Variants in PRLR observed in about 807,000 individuals in gnomAD.
PRLR encodes hPRL receptor.
Under a neutral mutation model 40.2 loss-of-function variants are expected in PRLR, and 13 were observed. That is an observed-to-expected ratio of 0.32 (90% CI 0.21 to 0.51). The LOEUF (loss-of-function observed/expected upper bound fraction) is 0.51, where lower values mean the gene tolerates loss of function less well. PRLR is among the 20% of genes least tolerant of loss of function. The pLI, the probability that PRLR is intolerant of heterozygous loss-of-function variation, is 0.97. For synonymous variants in PRLR, 269 were observed against 278.7 expected, an observed-to-expected ratio of 0.97 and a Z score of 0.35; for missense variants, 656 against 747.3, an observed-to-expected ratio of 0.88 and a Z score of 1.42.
At chr5:35,207,751 T>C (rs1384714371) in intron 1 of PRLR, among the ~76,000 whole-genome samples, 1 of 152,168 alleles carries the variant, frequency 6.6e-6, no homozygotes, top group African/African-American at 2.4e-5. Flanking sequence ...TACACATATA[T>C]ACATGTATTT....
intron 1 of PRLR, among the ~76,000 whole-genome samples, chr5:35,196,902 C>T (rs78978397): frequency 0.031 from 4,758 of 152,254 alleles, 263 homozygotes; most frequent in African/African-American, 0.11. Context: ...CTTTTCTGGA[C>T]TGCACACTGC....
chr5:35,100,895 A>T (rs1385119148), intron 2 of PRLR, among the ~76,000 whole-genome samples: 1 of 152,230 alleles, frequency 6.6e-6, no homozygotes, highest in Non-Finnish European at 1.5e-5. Flanking sequence ...GACCACCAGC[A>T]AACTGTCACA....
intron 1 of PRLR, among the ~76,000 whole-genome samples, chr5:35,127,084 C>T (rs1386801520): frequency 2.0e-5 from 3 of 152,214 alleles, no homozygotes; most frequent in African/African-American, 4.8e-5. Flanking sequence ...GAACTCCTTG[C>T]TCCCAGTCCC....
rs1161995455 is a variant in PRLR at position 35,056,907 on chromosome 5, TGGAAA to T, written c.*8177_*8181del. 2.0e-4 allele frequency: 31 copies of T among 152,236 alleles called. No homozygotes were observed. Among genetic ancestry groups the T allele is most frequent in the Non-Finnish European group, 3.8e-4 (26 of 67,996 alleles). 9.4% of individuals were successfully genotyped at this position (152,236 alleles called of 1,614,324 possible). ...AATTAAGAGGAGGCAGAGAAGAACTTGGAAAGCAAAACCACACACCATTTCACAAT... is the reference window on the plus strand; with the variant it reads ...AATTAAGAGGAGGCAGAGAAGAACTTGCAAAACCACACACCATTTCACAAT... On this transcript the variant is annotated 3_prime_UTR_variant, in exon 10 of 10. Transcript: ENST00000618457.
chr5:35,076,843 T>A (rs1434479971), intron 5 of PRLR, among the ~76,000 whole-genome samples: 3 of 152,184 alleles, frequency 2.0e-5, no homozygotes, highest in African/African-American at 7.2e-5. Flanking sequence ...TAACAGTGGA[T>A]CTCTTGGCAG....
chr5:35,092,531 G>C (rs1771277929), intron 2 of PRLR, among the ~76,000 whole-genome samples: 1 of 152,026 alleles, frequency 6.6e-6, no homozygotes, highest in South Asian at 2.1e-4. Flanking sequence ...ATGGCTGGCA[G>C]ACACTAAGCT....
At chr5:35,160,761 C>T (rs1774652075) in intron 1 of PRLR, among the ~76,000 whole-genome samples, 3 of 152,178 alleles carry the variant, frequency 2.0e-5, no homozygotes, top group Admixed American at 2.0e-4. Context: ...AGGGCCCCAC[C>T]TATAAGTGAA....
intron 2 of PRLR, among the ~76,000 whole-genome samples, chr5:35,091,920 G>T (rs971990561): frequency 2.4e-4 from 37 of 152,260 alleles, no homozygotes; most frequent in African/African-American, 8.9e-4. Flanking sequence ...TCTCTTTTGG[G>T]CGTTGCACTA....
At chr5:35,146,725 G>A (rs1774190799) in intron 1 of PRLR, among the ~76,000 whole-genome samples, 1 of 152,224 alleles carries the variant, frequency 6.6e-6, no homozygotes, top group African/African-American at 2.4e-5. Flanking sequence ...GACAACCTCA[G>A]TACTTTTTGG....
intron 1 of PRLR, among the ~76,000 whole-genome samples, chr5:35,220,700 A>C (rs1488629590): frequency 2.0e-5 from 3 of 152,168 alleles, no homozygotes; most frequent in Non-Finnish European, 2.9e-5. Context: ...TGAGTGAATA[A>C]AGAAATTCTG....
At chr5:35,106,901 AC>A (rs1259812368) in intron 2 of PRLR, among the ~76,000 whole-genome samples, 7 of 152,206 alleles carry the variant, frequency 4.6e-5, no homozygotes, top group Non-Finnish European at 1.0e-4. Flanking sequence ...AGAACTCTCC[AC>A]CCCAAATCAA....
At chr5:35,172,718 C>T (rs2111949803) in intron 1 of PRLR, among the ~76,000 whole-genome samples, 1 of 152,328 alleles carries the variant, frequency 6.6e-6, no homozygotes, top group Middle Eastern at 3.4e-3. Context: ...GATGCGGCAG[C>T]ATGAGCTCCC....
intron 1 of PRLR, among the ~76,000 whole-genome samples, chr5:35,215,860 C>T (rs1776273218): frequency 7.7e-6 from 1 of 130,580 alleles, no homozygotes; most frequent in South Asian, 2.4e-4. Context: ...GAAATCCTGT[C>T]TCTACTAAAA....
chr5:35,066,980 G>A lies in PRLR; in HGVS notation c.856-878C>T, dbSNP rs1463637268. ...GGGTTTCACCATGTTAGCCAGGATGGTCTTGATCTCCTGACCTCGTGATCT... is the reference window on the plus strand; with the variant it reads ...GGGTTTCACCATGTTAGCCAGGATGATCTTGATCTCCTGACCTCGTGATCT... On this transcript the variant is annotated intron_variant, in intron 9 of 9. Coordinates refer to ENST00000618457, the MANE Select transcript of PRLR (RefSeq NM_000949.7). 2.0e-5 allele frequency among the ~76,000 whole-genome samples: 3 copies of A among 151,964 alleles called. No individual in the cohort carries two copies. In the East Asian group the frequency reaches 5.8e-4, roughly 29 times the overall value.
At chr5:35,202,577 CTG>C (rs1228932117) in intron 1 of PRLR, among the ~76,000 whole-genome samples, 2 of 152,276 alleles carry the variant, frequency 1.3e-5, no homozygotes, top group East Asian at 1.9e-4. Flanking sequence ...CTCCACTAGA[CTG>C]TGCTTAGGGA....
chr5:35,092,412 A>AC (rs1771268685), intron 2 of PRLR, among the ~76,000 whole-genome samples: 1 of 152,190 alleles, frequency 6.6e-6, no homozygotes, highest in East Asian at 1.9e-4. Flanking sequence ...ACAACTTCTC[A>AC]CCCCTAAAGG....
At chr5:35,107,270 A>C in intron 2 of PRLR, among the ~76,000 whole-genome samples, 1 of 152,368 alleles carries the variant, frequency 6.6e-6, no homozygotes, top group African/African-American at 2.4e-5. Context: ...CACAAGAGAA[A>C]GCAGGAAAGA....
intron 5 of PRLR, chr5:35,081,444 G>A: frequency 5.2e-6 from 1 of 191,104 alleles, no homozygotes; most frequent in South Asian, 1.1e-4. Context: ...CTGCCATCTG[G>A]ATAAACCTGC....
At chr5:35,141,900 C>T (rs1361040364) in intron 1 of PRLR, among the ~76,000 whole-genome samples, 4 of 152,214 alleles carry the variant, frequency 2.6e-5, no homozygotes, top group African/African-American at 7.2e-5. Context: ...TTCATTTTCT[C>T]TTAACTGGTT....
Sources: gnomAD v4.1 joint callset for allele counts (sites outside exome capture counted in the v4.1 genomes callset) on GRCh38, gnomAD v4.1.1 for gene constraint, MANE v1.5 for transcripts, NCBI Gene and HGNC (gene_info 2026-07-23, HGNC 2026-07-21) for gene names.